CNTN6: variants seen among roughly 807,000 people sequenced by gnomAD.
The protein encoded by CNTN6 is contactin 6.
Under a neutral mutation model 122.8 loss-of-function variants are expected in CNTN6, and 137 were observed. The observed-to-expected ratio is 1.12, with a 90% CI of 0.97 to 1.29. CNTN6 has a LOEUF of 1.29. Among genes scored for constraint, CNTN6 ranks in the 50% most tolerant of loss-of-function variants. The pLI is 0.00. For synonymous variants in CNTN6, 570 were observed against 426.0 expected (o/e 1.34, Z -4.16); for missense variants, 1,634 against 1,223.4 (o/e 1.34, Z -5.01).
chr3:1,099,251 A>G lies in CNTN6; in HGVS notation c.-83+6131A>G, dbSNP rs1175961349. 7.9e-5 allele frequency among the ~76,000 whole-genome samples: 12 copies of G among 152,010 alleles called. No homozygotes were observed. The South Asian group carries it at 1.5e-3, about 18-fold the overall frequency. On this transcript the variant is annotated intron_variant, in intron 1 of 22. Coordinates refer to ENST00000446702, the MANE Select transcript of CNTN6 (RefSeq NM_001289080.2). ...CGGATCACGAGGTCAGGAGATCGAG[A>G]CCATCCTGGCTAACACGGTGAAACC...
chr3:1,379,185 C>A (rs371425554), intron 17 of CNTN6, among the ~76,000 whole-genome samples: 1 of 151,862 alleles, frequency 6.6e-6, no homozygotes, highest in Non-Finnish European at 1.5e-5. Flanking sequence ...CATGAATTAC[C>A]AAAGAATACT....
Position 1,404,175 on chromosome 3 carries a change from G to A in CNTN6, c.*757G>A, listed in dbSNP as rs1696053096. ...GTAATTATGACAAGTTGATTGCAAT[G>A]TATGTGGCCTTATTTTTATAATAAA... On this transcript the variant is annotated 3_prime_UTR_variant, in exon 23 of 23. Coordinates refer to ENST00000446702, the MANE Select transcript of CNTN6 (RefSeq NM_001289080.2). The A allele has an allele frequency of 6.6e-6, 1 of 152,130 alleles. No individual in the cohort carries two copies. The highest frequency in any genetic ancestry group is 2.4e-5 in the African/African-American group (1 of 41,434). The allele number at this position is 152,130 out of a possible 1,614,324, so 9.4% of individuals were successfully genotyped here.
intron 4 of CNTN6, among the ~76,000 whole-genome samples, chr3:1,263,464 C>A (rs1012337963): frequency 1.3e-5 from 2 of 152,146 alleles, no homozygotes; most frequent in Non-Finnish European, 2.9e-5. Context: ...TGCGGCAATA[C>A]ACAAAGTGGT....
intron 4 of CNTN6, among the ~76,000 whole-genome samples, chr3:1,245,218 A>ATGT (rs2094546872): frequency 4.3e-5 from 1 of 23,526 alleles, no homozygotes; most frequent in African/African-American, 3.0e-4. Context: ...ATATATATAT[A>ATGT]TATATATATA....
At chr3:1,328,639 G>T (rs192135448) in intron 10 of CNTN6, among the ~76,000 whole-genome samples, 2 of 151,758 alleles carry the variant, frequency 1.3e-5, no homozygotes, top group Non-Finnish European at 2.9e-5. Flanking sequence ...CACATGACAA[G>T]TTGAACATAA....
At chr3:1,147,217 A>T (rs1288253291) in intron 1 of CNTN6, among the ~76,000 whole-genome samples, 1 of 152,084 alleles carries the variant, frequency 6.6e-6, no homozygotes, top group African/African-American at 2.4e-5. Flanking sequence ...AGTTTTATCA[A>T]ATGTAACCTA....
chr3:1,294,425 G>C (rs73816279), intron 5 of CNTN6, among the ~76,000 whole-genome samples: 11,955 of 152,170 alleles, frequency 0.079, 1,587 homozygotes, highest in African/African-American at 0.27. Flanking sequence ...TCCAGTAGTG[G>C]TTGCAGCAGT....
At chr3:1,250,542 C>G (rs1162037781) in intron 4 of CNTN6, among the ~76,000 whole-genome samples, 2 of 152,160 alleles carry the variant, frequency 1.3e-5, no homozygotes, top group Admixed American at 6.5e-5. Flanking sequence ...ACATCACCAT[C>G]TCTGCTTTTA....
chr3:1,390,153 C>G (rs374546732), intron 20 of CNTN6, among the ~76,000 whole-genome samples: 10 of 151,892 alleles, frequency 6.6e-5, no homozygotes, highest in Middle Eastern at 3.4e-3. Context: ...TGACCACATA[C>G]TTGGAAGTAA....
chr3:1,198,180 T>C (rs2093806114), intron 2 of CNTN6, among the ~76,000 whole-genome samples: 1 of 151,898 alleles, frequency 6.6e-6, no homozygotes, highest in Non-Finnish European at 1.5e-5. Context: ...TGCCTATTAA[T>C]AAAAAACAAA....
chr3:1,233,648 T>C (rs2125575575), intron 4 of CNTN6, among the ~76,000 whole-genome samples: 1 of 144,252 alleles, frequency 6.9e-6, no homozygotes, highest in East Asian at 2.1e-4. Context: ...GGCAGGAGAA[T>C]CGCGTGAACC....
chr3:1,274,216 T>C (rs3772318), intron 4 of CNTN6, among the ~76,000 whole-genome samples: 98,679 of 152,006 alleles, frequency 0.65, 33,672 homozygotes, highest in East Asian at 0.87. Flanking sequence ...TCAGGAGTCA[T>C]ATTTAAACTG....
chr3:1,278,463 G>A lies in CNTN6; in HGVS notation c.409G>A (p.Gly137Ser). The part of the protein sequence containing the change: ...KTRSTVSVRE[G>S]QGVVLLCGPP... ...AAGAAGCACAGTATCTGTCCGAGAA[G>A]GTCAAGGTGTGGTGCTTCTCTGTGG... Residue 137 changes from glycine (G) to serine (S), a missense_variant, in exon 5 of 23, where the codon GGT becomes AGT. Transcript: ENST00000446702. 1 of 1,612,598 alleles carries A rather than the reference G, an allele frequency of 6.2e-7. No homozygotes were observed. Among genetic ancestry groups the A allele is most frequent in the Non-Finnish European group, 8.5e-7 (1 of 1,178,972 alleles).
Position 1,329,880 on chromosome 3 carries a change from C to G in CNTN6, c.1309C>G (p.Pro437Ala). The G allele has an allele frequency of 6.2e-7, 1 of 1,610,296 alleles. No individual in the cohort carries two copies. The highest frequency in any genetic ancestry group is 8.5e-7 in the Non-Finnish European group (1 of 1,177,762). Residue 437 changes from proline (P) to alanine (A), a missense_variant, in exon 11 of 23, where the codon CCC (proline) becomes GCC (alanine). By Grantham distance (27) the Pro-to-Ala change is conservative (BLOSUM62 -1). Coordinates refer to ENST00000446702, the MANE Select transcript of CNTN6 (RefSeq NM_001289080.2). ...TATCGGATGCAAACCAAATGCTTTT[C>G]CCAGGGCAGCTATCTCTTGGAAAAG... is the stretch of plus-strand genomic sequence containing the variant. ...IVIGCKPNAF[P>A]RAAISWKRGT...
chr3:1,254,521 C>G (rs1394926047), intron 4 of CNTN6, among the ~76,000 whole-genome samples: 1 of 152,080 alleles, frequency 6.6e-6, no homozygotes, highest in Non-Finnish European at 1.5e-5. Context: ...ATCAATTTCA[C>G]TTATTTTTAT....
At chr3:1,101,473 A>G (rs369298944) in intron 1 of CNTN6, among the ~76,000 whole-genome samples, 1 of 152,236 alleles carries the variant, frequency 6.6e-6, no homozygotes, top group African/African-American at 2.4e-5. Flanking sequence ...GTACTTCCCT[A>G]TACTTCCATG....
chr3:1,097,341 G>A (rs1015067403), intron 1 of CNTN6, among the ~76,000 whole-genome samples: 2 of 152,128 alleles, frequency 1.3e-5, no homozygotes, highest in Non-Finnish European at 2.9e-5. Flanking sequence ...AGTATACTGA[G>A]TAGAAAACTT....
chr3:1,356,707 A>G (rs1395141993), intron 12 of CNTN6, among the ~76,000 whole-genome samples: 1 of 151,864 alleles, frequency 6.6e-6, no homozygotes, highest in Admixed American at 6.6e-5. Flanking sequence ...CTCCCCAAAA[A>G]TGTTCAGTTC....
At chr3:1,097,006 T>C (rs374135086) in intron 1 of CNTN6, among the ~76,000 whole-genome samples, 37 of 152,190 alleles carry the variant, frequency 2.4e-4, no homozygotes, top group African/African-American at 8.7e-4. Flanking sequence ...ATCTTTCAGT[T>C]TGGAGGAATT....
Sources: allele counts gnomAD v4.1 joint callset (sites outside exome capture counted in the v4.1 genomes callset), GRCh38; gene constraint gnomAD v4.1.1; transcripts MANE v1.5; gene names NCBI Gene and HGNC (gene_info 2026-07-23, HGNC 2026-07-21).